Variants in TCF12 observed in about 807,000 individuals in gnomAD.
The protein encoded by TCF12 is DNA-binding protein HTF4.
A neutral mutation model predicts 86.0 loss-of-function variants in TCF12; 45 were observed. The ratio of observed to expected loss-of-function variants is 0.52; its 90% CI spans 0.41 to 0.67. The LOEUF is 0.67. Among genes scored for constraint, TCF12 ranks in the 30% least tolerant of loss-of-function variants. TCF12 has a pLI of 0.00. For synonymous variants in TCF12, 330 were observed against 299.6 expected (o/e 1.10, Z -1.05); for missense variants, 881 against 859.9 (o/e 1.02, Z -0.31).
At chr15:57,096,790 C>T (rs1193094053) in intron 5 of TCF12, among the ~76,000 whole-genome samples, 1 of 152,126 alleles carries the variant, frequency 6.6e-6, no homozygotes, top group Non-Finnish European at 1.5e-5. Context: ...AGAGGGCAGA[C>T]TGTATATATT....
chr15:57,238,758 A>T (rs1256426659), intron 12 of TCF12, among the ~76,000 whole-genome samples: 1 of 152,218 alleles, frequency 6.6e-6, no homozygotes, highest in Non-Finnish European at 1.5e-5. Context: ...TAATGGATTC[A>T]ATGTTGACCA....
chr15:57,126,500 A>G (rs2051661378), intron 5 of TCF12, among the ~76,000 whole-genome samples: 1 of 152,208 alleles, frequency 6.6e-6, no homozygotes, highest in Non-Finnish European at 1.5e-5. Flanking sequence ...ATCATTTCTC[A>G]TGCATATTGC....
At chr15:57,117,943 TATTAA>T (rs1485769268) in intron 5 of TCF12, among the ~76,000 whole-genome samples, 3 of 152,172 alleles carry the variant, frequency 2.0e-5, no homozygotes, top group South Asian at 4.1e-4. Flanking sequence ...GGGGAAGGCA[TATTAA>T]ATTAAGTTTT....
chr15:57,251,389 C>T lies in TCF12; in HGVS notation c.1154C>T (p.Ser385Leu). ...CCAAGACCTGGAGGGCAAGCACCTT[C>T]ATCCCCAAGCTATGAAAACTCACTC... ...QWPRPGGQAP[S>L]SPSYENSLHS... The change falls in exon 14 of 21, where the codon TCA (serine) becomes TTA (leucine). Residue 385 changes from serine (S) to leucine (L), a missense_variant. Coordinates refer to ENST00000333725, the MANE Select transcript of TCF12 (RefSeq NM_207037.2). 6.2e-7 allele frequency: 1 copy of T among 1,613,972 alleles called. No homozygotes were observed. Among genetic ancestry groups the T allele is most frequent in the Non-Finnish European group, 8.5e-7 (1 of 1,179,902 alleles).
chr15:57,271,111 C>A (rs1268116629), intron 18 of TCF12, among the ~76,000 whole-genome samples: 1 of 152,178 alleles, frequency 6.6e-6, no homozygotes, highest in East Asian at 1.9e-4. Context: ...GGCTGTCAGG[C>A]AGGGATATTT....
At chr15:57,204,761 T>A (rs1597299111) in intron 8 of TCF12, among the ~76,000 whole-genome samples, 1 of 85,758 alleles carries the variant, frequency 1.2e-5, no homozygotes, top group South Asian at 4.0e-4. Flanking sequence ...AAACTGAAGA[T>A]TTTTTTTTTT....
intron 5 of TCF12, among the ~76,000 whole-genome samples, chr15:57,103,151 C>T (rs546728197): frequency 6.6e-6 from 1 of 152,254 alleles, no homozygotes; most frequent in Admixed American, 6.5e-5. Context: ...TAGTGAAAAT[C>T]GGTACTGCCC....
chr15:57,272,761 A>C (rs1263843370), intron 18 of TCF12, among the ~76,000 whole-genome samples: 2 of 152,234 alleles, frequency 1.3e-5, no homozygotes, highest in Admixed American at 6.5e-5. Context: ...TATATTTATG[A>C]AGAGTTTCTG....
intron 6 of TCF12, among the ~76,000 whole-genome samples, chr15:57,177,082 G>A (rs1040801655): frequency 7.2e-5 from 11 of 152,124 alleles, no homozygotes; most frequent in Non-Finnish European, 1.5e-5. Context: ...TTGGCACACA[G>A]TAGGCATTGA....
At chr15:57,021,839 G>C (rs1362018814) in intron 3 of TCF12, among the ~76,000 whole-genome samples, 1 of 152,030 alleles carries the variant, frequency 6.6e-6, no homozygotes, top group Admixed American at 6.6e-5. Context: ...CCTATAGGCG[G>C]GTTCCACAGG....
At chr15:56,985,675 G>C (rs1260042698) in intron 3 of TCF12, among the ~76,000 whole-genome samples, 1 of 152,108 alleles carries the variant, frequency 6.6e-6, no homozygotes, top group African/African-American at 2.4e-5. Flanking sequence ...CTGGTCCTTA[G>C]AGTATATCAT....
intron 5 of TCF12, among the ~76,000 whole-genome samples, chr15:57,143,882 G>A (rs567694616): frequency 6.6e-6 from 1 of 152,282 alleles, no homozygotes; most frequent in South Asian, 2.1e-4. Flanking sequence ...GTGTCTCTCT[G>A]GGTGTGGTGC....
intron 3 of TCF12, among the ~76,000 whole-genome samples, chr15:56,950,745 G>GTTTTTTT (rs71113040): frequency 1.2e-5 from 1 of 85,922 alleles, no homozygotes; most frequent in African/African-American, 5.2e-5. Flanking sequence ...TTATGACCAT[G>GTTTTTTT]TTTTTTTTTT....
chr15:57,133,687 T>A (rs1716214623), intron 5 of TCF12, among the ~76,000 whole-genome samples: 1 of 152,136 alleles, frequency 6.6e-6, no homozygotes, highest in South Asian at 2.1e-4. Context: ...AGCAAACAGT[T>A]TCAGAAGCTA....
At chr15:57,241,290 G>T (rs2733321) in intron 12 of TCF12, among the ~76,000 whole-genome samples, 1 of 151,968 alleles carries the variant, frequency 6.6e-6, no homozygotes, top group African/African-American at 2.4e-5. Context: ...CGGGGTTTCA[G>T]CATGTTGGCC....
At chr15:57,072,265 C>T (rs1293061587) in intron 4 of TCF12, among the ~76,000 whole-genome samples, 52 of 152,146 alleles carry the variant, frequency 3.4e-4, no homozygotes, top group Admixed American at 2.6e-3. Flanking sequence ...ATCATGTAGA[C>T]TCACTTCACC....
intron 3 of TCF12, among the ~76,000 whole-genome samples, chr15:56,938,960 A>G (rs1472072686): frequency 6.6e-6 from 1 of 152,084 alleles, no homozygotes; most frequent in Non-Finnish European, 1.5e-5. Context: ...ATGTTCTTTA[A>G]TAATCTGATG....
intron 3 of TCF12, among the ~76,000 whole-genome samples, chr15:56,983,906 G>A (rs1180013135): frequency 1.3e-5 from 2 of 150,576 alleles, no homozygotes; most frequent in African/African-American, 2.4e-5. Flanking sequence ...GGAGGCTGAG[G>A]TGAGAGGATC....
chr15:57,231,955 G>A (rs2059157265), intron 9 of TCF12, among the ~76,000 whole-genome samples: 1 of 152,152 alleles, frequency 6.6e-6, no homozygotes, highest in African/African-American at 2.4e-5. Flanking sequence ...AACTTTCTGT[G>A]TATGTATAAG....
Sources: allele counts gnomAD v4.1 joint callset (sites outside exome capture counted in the v4.1 genomes callset), GRCh38; gene constraint gnomAD v4.1.1; transcripts MANE v1.5; gene names NCBI Gene and HGNC (gene_info 2026-07-23, HGNC 2026-07-21).